FCHSD2: variants seen among roughly 807,000 people sequenced by gnomAD.
FCHSD2 encodes the protein F-BAR and double SH3 domains protein 2.
A neutral mutation model predicts 108.1 loss-of-function variants in FCHSD2; 38 were observed. The observed-to-expected ratio is 0.35, with a 90% CI of 0.27 to 0.46. FCHSD2 has a LOEUF of 0.46. Ranked by LOEUF, FCHSD2 falls within the 20% of genes least tolerant of loss-of-function variation. The pLI is 1.00. For missense variants in FCHSD2, 751 were observed against 897.8 expected, an observed-to-expected ratio of 0.84 and a Z score of 2.09; for synonymous variants, 279 against 314.7, an observed-to-expected ratio of 0.89 and a Z score of 1.20.
At chr11:72,884,219 C>T (rs1855150095) in intron 12 of FCHSD2, among the ~76,000 whole-genome samples, 2 of 152,020 alleles carry the variant, frequency 1.3e-5, no homozygotes, top group Non-Finnish European at 2.9e-5. Context: ...GGCCTTAAGA[C>T]CTAACTTCCA....
intron 3 of FCHSD2, among the ~76,000 whole-genome samples, chr11:73,048,472 A>T (rs2135472462): frequency 6.6e-6 from 1 of 152,322 alleles, no homozygotes; most frequent in Middle Eastern, 3.4e-3. Context: ...GTGGAAATGG[A>T]TTAAAACAAT....
intron 2 of FCHSD2, among the ~76,000 whole-genome samples, chr11:73,129,149 G>A (rs1273859596): frequency 6.6e-6 from 1 of 152,140 alleles, no homozygotes. Context: ...GGGATTACAG[G>A]CATGAGCCAC....
chr11:73,136,015 C>T (rs556500228), intron 2 of FCHSD2, among the ~76,000 whole-genome samples: 2 of 151,860 alleles, frequency 1.3e-5, no homozygotes, highest in South Asian at 4.2e-4. Flanking sequence ...TTAAAATAAG[C>T]CAGGCATGGT....
intron 11 of FCHSD2, among the ~76,000 whole-genome samples, chr11:72,888,983 G>A (rs1855257879): frequency 6.6e-6 from 1 of 151,568 alleles, no homozygotes; most frequent in East Asian, 1.9e-4. Context: ...TTGAGACAGA[G>A]TCTCGCTGTC....
chr11:72,868,623 G>A (rs1418232065), intron 12 of FCHSD2, among the ~76,000 whole-genome samples: 1 of 152,062 alleles, frequency 6.6e-6, no homozygotes, highest in African/African-American at 2.4e-5. Context: ...CCCAGGAAGG[G>A]GAAGTTGCAG....
intron 11 of FCHSD2, among the ~76,000 whole-genome samples, chr11:72,887,926 A>C (rs1157543170): frequency 6.6e-6 from 1 of 152,236 alleles, no homozygotes; most frequent in Non-Finnish European, 1.5e-5. Flanking sequence ...GTTAAGCAAC[A>C]TTACATAAGT....
At position 72,899,441 on chromosome 11, in the gene FCHSD2, T is replaced by G. The variant is rs578176228; in HGVS notation, c.924+3102A>C. Among the ~76,000 whole-genome samples the G allele has an allele frequency of 2.0e-5, 3 of 152,294 alleles. No individual in the cohort carries two copies. The South Asian group carries it at 6.2e-4, about 32-fold the overall frequency. On this transcript the variant is annotated intron_variant, in intron 10 of 19. Coordinates refer to ENST00000409418, the MANE Select transcript of FCHSD2 (RefSeq NM_014824.3). ...AATGCAAACCAGAACCACGAGATAC[T>G]ATTTCATATCCACTAGGATGATTAT...
intron 8 of FCHSD2, chr11:72,941,063 G>C: frequency 1.5e-6 from 1 of 645,868 alleles, no homozygotes; most frequent in Non-Finnish European, 2.8e-6. Flanking sequence ...GGTTCTTGCC[G>C]GGCAGCTTAG....
chr11:73,078,780 G>A (rs1030412903), intron 3 of FCHSD2, among the ~76,000 whole-genome samples: 3 of 152,152 alleles, frequency 2.0e-5, no homozygotes, highest in African/African-American at 7.2e-5. Flanking sequence ...GCACAGTGGT[G>A]CGATCACAGC....
At chr11:72,878,993 C>T (rs990691748) in intron 12 of FCHSD2, among the ~76,000 whole-genome samples, 8 of 152,120 alleles carry the variant, frequency 5.3e-5, no homozygotes, top group Admixed American at 5.2e-4. Context: ...ACCTGTAATC[C>T]CAGCTACTTG....
At chr11:73,070,024 C>T (rs1007551976) in intron 3 of FCHSD2, among the ~76,000 whole-genome samples, 5 of 152,114 alleles carry the variant, frequency 3.3e-5, no homozygotes, top group Admixed American at 6.5e-5. Flanking sequence ...ACTGAATTTC[C>T]AGGTGGCGAA....
intron 6 of FCHSD2, among the ~76,000 whole-genome samples, chr11:72,988,542 T>G (rs1457919515): frequency 6.6e-6 from 1 of 152,188 alleles, no homozygotes; most frequent in Non-Finnish European, 1.5e-5. Context: ...TTTGTTCACT[T>G]GATGTGTTCA....
intron 6 of FCHSD2, among the ~76,000 whole-genome samples, chr11:72,987,538 G>A (rs910996645): frequency 7.2e-5 from 11 of 152,142 alleles, no homozygotes; most frequent in African/African-American, 2.4e-4. Flanking sequence ...AATAAATGAA[G>A]ATAAAGTGGC....
Position 72,968,040 on chromosome 11 carries a change from G to A in FCHSD2, c.705+16048C>T, listed in dbSNP as rs1036016847. ...TGGGAGGTGGAGCTTGCAGTGAGCC[G>A]AGATCGCACCACTGCACTCCAGCCT... On this transcript the variant is annotated intron_variant, in intron 8 of 19. Transcript: ENST00000409418. Among the ~76,000 whole-genome samples, 4 of 147,888 alleles carry A rather than the reference G, an allele frequency of 2.7e-5. No homozygotes were observed. The East Asian group carries it at 6.0e-4, about 22-fold the overall frequency.
At chr11:72,959,887 T>C (rs1403683268) in intron 8 of FCHSD2, among the ~76,000 whole-genome samples, 2 of 151,856 alleles carry the variant, frequency 1.3e-5, no homozygotes, top group East Asian at 3.9e-4. Context: ...TGTGTGTGTA[T>C]GTGTGATATC....
intron 10 of FCHSD2, among the ~76,000 whole-genome samples, chr11:72,890,672 CTTTT>C: frequency 6.9e-6 from 1 of 145,554 alleles, no homozygotes; most frequent in South Asian, 2.2e-4. Flanking sequence ...CTTCATATAA[CTTTT>C]TTTTTTTTTA....
In FCHSD2 at chr11:72,924,553, A is replaced by T. The variant is rs188013226; in HGVS notation, c.706-2603T>A. Among the ~76,000 whole-genome samples, 687 of 151,128 alleles carry T rather than the reference A, an allele frequency of 4.5e-3. 18 individuals carry two copies. Among genetic ancestry groups the T allele is most frequent in the Admixed American group, 0.042 (630 of 15,180 alleles). ...CACCTTGGCCTCCCAAAGTGCTGGG[A>T]TTACAGACATGAGCCACCACGCCCC... On this transcript the variant is annotated intron_variant, in intron 8 of 19. Transcript: ENST00000409418.
chr11:72,934,436 T>G (rs1279598120), intron 8 of FCHSD2, among the ~76,000 whole-genome samples: 1 of 151,398 alleles, frequency 6.6e-6, no homozygotes, highest in East Asian at 2.0e-4. Flanking sequence ...GTTCAAGAGA[T>G]TCTTCTGGCT....
chr11:73,131,717 A>C (rs1295133081), intron 2 of FCHSD2, among the ~76,000 whole-genome samples: 1 of 151,902 alleles, frequency 6.6e-6, no homozygotes, highest in Non-Finnish European at 1.5e-5. Context: ...AAAAAAAAAA[A>C]ATTAAAAAAT....
Sources: allele counts gnomAD v4.1 joint callset (sites outside exome capture counted in the v4.1 genomes callset), GRCh38; gene constraint gnomAD v4.1.1; transcripts MANE v1.5; gene names NCBI Gene and HGNC (gene_info 2026-07-23, HGNC 2026-07-21).